The following NR3C2 variants were observed in gnomAD, a reference collection of about 807,000 sequenced individuals.
NR3C2 encodes the protein mineralocorticoid receptor.
Under a neutral mutation model 86.4 loss-of-function variants are expected in NR3C2, and 15 were observed. The ratio of observed to expected loss-of-function variants is 0.17; its 90% CI spans 0.12 to 0.27. The LOEUF (loss-of-function observed/expected upper bound fraction) is 0.27, where lower values mean the gene tolerates loss of function less well. NR3C2 is among the 10% of genes least tolerant of loss of function. The probability of loss-of-function intolerance (pLI) is 1.00; values close to 1 mark genes in which losing one functional copy is unlikely to be tolerated. For missense variants in NR3C2, 960 were observed against 1,195.6 expected, an observed-to-expected ratio of 0.80 and a Z score of 2.91; for synonymous variants, 458 against 450.5, an observed-to-expected ratio of 1.02 and a Z score of -0.21.
chr4:148,347,680 T>A (rs1050510361), intron 2 of NR3C2, among the ~76,000 whole-genome samples: 1 of 152,142 alleles, frequency 6.6e-6, no homozygotes, highest in Non-Finnish European at 1.5e-5. Flanking sequence ...GTTTACTGAG[T>A]ACCTACGCAT....
chr4:148,093,887 C>A (rs1310992331), intron 8 of NR3C2, among the ~76,000 whole-genome samples: 2 of 152,086 alleles, frequency 1.3e-5, no homozygotes, highest in East Asian at 3.8e-4. Flanking sequence ...AGGCCACCAT[C>A]AAGACAGTTA....
chr4:148,202,673 AAG>A (rs771517263), intron 3 of NR3C2, among the ~76,000 whole-genome samples: 27 of 152,198 alleles, frequency 1.8e-4, no homozygotes, highest in Admixed American at 9.8e-4. Context: ...CTTAGAGATG[AAG>A]AGAGACAAAG....
At chr4:148,302,846 CAAAAAAA>C (rs35574035) in intron 2 of NR3C2, among the ~76,000 whole-genome samples, 2 of 88,542 alleles carry the variant, frequency 2.3e-5, no homozygotes, top group African/African-American at 4.5e-5. Flanking sequence ...AACTCCGTCT[CAAAAAAA>C]AAAAAAAAAA....
At chr4:148,270,871 C>G (rs758379857) in intron 2 of NR3C2, among the ~76,000 whole-genome samples, 4 of 152,106 alleles carry the variant, frequency 2.6e-5, no homozygotes, top group Non-Finnish European at 5.9e-5. Flanking sequence ...ACTGAGCTGC[C>G]ACAGGAAATA....
intron 2 of NR3C2, among the ~76,000 whole-genome samples, chr4:148,419,565 C>T (rs533131054): frequency 6.6e-6 from 1 of 152,270 alleles, no homozygotes; most frequent in East Asian, 1.9e-4. Flanking sequence ...GCTGGATAGT[C>T]TAGAGCCATA....
rs1402267260 is a variant in NR3C2, at chr4:148,435,702, C to T, written c.1159G>A (p.Gly387Ser). Reference sequence around the variant, plus strand: ...ACAATATTAAGCTGGCCAGTCACACCATTTGAGATGGCACTCTCTACTTCC... The same window carrying T: ...ACAATATTAAGCTGGCCAGTCACACTATTTGAGATGGCACTCTCTACTTCC... ...TEEVESAISN[G>S]VTGQLNIVQY... Residue 387 changes from glycine to serine, a missense_variant, in exon 2 of 9, where the codon GGT becomes AGT. Physicochemically the swap from Gly to Ser is moderately conservative, Grantham distance 56. Transcript: ENST00000358102. The T allele has an allele frequency of 6.2e-7, 1 of 1,614,032 alleles. No individual in the cohort carries two copies. Among genetic ancestry groups the T allele is most frequent in the African/African-American group, 1.3e-5 (1 of 74,912 alleles).
upstream of NR3C2, chr4:148,444,477 G>A (rs1750496644): frequency 1.0e-6 from 1 of 985,926 alleles, no homozygotes. Context: ...TGCGCTCTCC[G>A]GACCCCCTCT....
intron 3 of NR3C2, among the ~76,000 whole-genome samples, chr4:148,238,847 T>G (rs1487499117): frequency 6.6e-6 from 1 of 152,172 alleles, no homozygotes; most frequent in Non-Finnish European, 1.5e-5. Context: ...TAGGGCAAAT[T>G]CAGGTGCCAC....
chr4:148,214,883 A>G (rs1737450710), intron 3 of NR3C2, among the ~76,000 whole-genome samples: 1 of 152,218 alleles, frequency 6.6e-6, no homozygotes, highest in African/African-American at 2.4e-5. Flanking sequence ...TATGCAGGCC[A>G]AACAAAACAT....
At chr4:148,210,840 C>A (rs1237581455) in intron 3 of NR3C2, among the ~76,000 whole-genome samples, 2 of 152,218 alleles carry the variant, frequency 1.3e-5, no homozygotes, top group African/African-American at 2.4e-5. Flanking sequence ...AAATCACTAA[C>A]TTGCTGGGTC....
chr4:148,427,330 A>T (rs1749593813), intron 2 of NR3C2, among the ~76,000 whole-genome samples: 1 of 151,892 alleles, frequency 6.6e-6, no homozygotes, highest in Admixed American at 6.6e-5. Context: ...ATACTTTACT[A>T]TTTCTACTCA....
intron 2 of NR3C2, among the ~76,000 whole-genome samples, chr4:148,272,274 T>G (rs1740724723): frequency 6.6e-6 from 1 of 152,170 alleles, no homozygotes; most frequent in African/African-American, 2.4e-5. Flanking sequence ...CTTACAAAAA[T>G]GTATCAAGCC....
chr4:148,261,024 G>A (rs1051146482), intron 2 of NR3C2, among the ~76,000 whole-genome samples: 2 of 152,158 alleles, frequency 1.3e-5, no homozygotes, highest in African/African-American at 4.8e-5. Context: ...TACATTTCTT[G>A]AATATTTACC....
At chr4:148,086,729 G>A (rs975022568) in intron 8 of NR3C2, among the ~76,000 whole-genome samples, 22 of 152,094 alleles carry the variant, frequency 1.4e-4, no homozygotes, top group Non-Finnish European at 2.5e-4. Flanking sequence ...GTGACAGAGC[G>A]AGACTGTCTC....
At chr4:148,239,502 C>T (rs1224183001) in intron 3 of NR3C2, among the ~76,000 whole-genome samples, 1 of 152,064 alleles carries the variant, frequency 6.6e-6, no homozygotes, top group Non-Finnish European at 1.5e-5. Context: ...ACAGTAATGC[C>T]AGAATTAAAT....
chr4:148,238,787 G>A (rs1738871536), intron 3 of NR3C2, among the ~76,000 whole-genome samples: 1 of 152,038 alleles, frequency 6.6e-6, no homozygotes, highest in South Asian at 2.1e-4. Context: ...TCAGGGGTCT[G>A]GTAGGAAAAA....
chr4:148,444,700 G>A, upstream of NR3C2: 1 of 985,324 alleles, frequency 1.0e-6, no homozygotes, highest in Non-Finnish European at 1.2e-6. Context: ...TAGAGCAATA[G>A]TGCTGTTACC....
At chr4:148,249,701 G>A (rs1041626007) in intron 3 of NR3C2, among the ~76,000 whole-genome samples, 1 of 152,068 alleles carries the variant, frequency 6.6e-6, no homozygotes, top group African/African-American at 2.4e-5. Flanking sequence ...CTCTTCCTTG[G>A]GATTGTTCTT....
chr4:148,363,504 C>CTTTTTTTTTTTTTTTTTTTTTT lies in NR3C2; in HGVS notation c.1757+71599_1757+71600insAAAAAAAAAAAAAAAAAAAAAA, dbSNP rs1375693723. Among the ~76,000 whole-genome samples, 423 of 69,698 alleles carry CTTTTTTTTTTTTTTTTTTTTTT rather than the reference C, an allele frequency of 6.1e-3. 98 individuals are homozygous for CTTTTTTTTTTTTTTTTTTTTTT. The highest frequency in any genetic ancestry group is 0.018 in the Middle Eastern group (2 of 110). The allele number at this position is 69,698 out of a possible 152,430, so 45.7% of individuals were successfully genotyped here. On this transcript the variant is annotated intron_variant, in intron 2 of 8. Coordinates refer to ENST00000358102, the MANE Select transcript of NR3C2 (RefSeq NM_000901.5). ...ATTAAAGTCTAGACTTCTCATAGATCTCTTTTTTTTTTTTTTTGAGACGGA... is the reference window on the plus strand; with the variant it reads ...ATTAAAGTCTAGACTTCTCATAGATCTTTTTTTTTTTTTTTTTTTTTTTCTTTTTTTTTTTTTTTGAGACGGA...
Sources: allele counts gnomAD v4.1 joint callset (sites outside exome capture counted in the v4.1 genomes callset), GRCh38; gene constraint gnomAD v4.1.1; transcripts MANE v1.5; gene names NCBI Gene and HGNC (gene_info 2026-07-23, HGNC 2026-07-21).